AGO1: variants seen among roughly 807,000 people sequenced by gnomAD.
AGO1 encodes the protein argonaute RISC component 1, also known as protein argonaute-1.
A neutral mutation model predicts 109.2 loss-of-function variants in AGO1; 11 were observed. The observed-to-expected ratio is 0.10, with a 90% CI of 0.06 to 0.17. The LOEUF is 0.17. AGO1 is among the 10% of genes least tolerant of loss of function. The pLI, the probability that AGO1 is intolerant of heterozygous loss-of-function variation, is 1.00. For missense variants in AGO1, 574 were observed against 1,140.3 expected (o/e 0.50, Z 7.15); for synonymous variants, 422 against 418.6 (o/e 1.01, Z -0.10).
intron 3 of AGO1, 126 bp from the exon 4 acceptor site, chr1:35,892,971 T>TA: frequency 9.6e-7 from 1 of 1,040,468 alleles, no homozygotes; most frequent in Non-Finnish European, 1.4e-6. Flanking sequence ...GGGCTAGACT[T>TA]ACTCTGGATT....
Position 35,901,433 on chromosome 1 carries a change from T to C in AGO1, c.1021-41T>C. The C allele has an allele frequency of 6.2e-7, 1 of 1,613,172 alleles. No homozygotes were observed. Among genetic ancestry groups the C allele is most frequent in the South Asian group, 1.1e-5 (1 of 90,840 alleles). ...GTGGGGCTCTGGGTACAGGGTGGAC[T>C]GTACTCAAGCCAGAGCTACCTGTCC... On this transcript the variant is annotated intron_variant, in intron 8 of 18. Coordinates refer to ENST00000373204, the MANE Select transcript of AGO1 (RefSeq NM_012199.5). The surrounding 1 kb of genome is among the most constrained non-coding windows in gnomAD (Gnocchi z 4.8).
upstream of AGO1, among the ~76,000 whole-genome samples, chr1:35,879,688 T>G (rs1175284037): frequency 1.5e-5 from 2 of 132,644 alleles, no homozygotes; most frequent in Non-Finnish European, 3.0e-5. Context: ...TGACCCAAGA[T>G]TGTGCCCCTG....
chr1:35,917,593 A>G lies in AGO1; in HGVS notation c.2029A>G (p.Ile677Val). The G allele has an allele frequency of 6.2e-7, 1 of 1,611,056 alleles. No homozygotes were observed. The highest frequency in any genetic ancestry group is 8.5e-7 in the Non-Finnish European group (1 of 1,177,840). ...TCCCTCCCCATTTTTTTGTGCCTAG[A>G]TACTCCACTATGAGCTACTGGCCAT... ...DGVPEGQLPQ[I>V]LHYELLAIRD... Residue 677 changes from isoleucine to valine, a missense_variant and splice_region_variant, in exon 16 of 19, where the codon ATA (isoleucine) becomes GTA (valine). This residue lies in a region of AGO1 where 45 missense variants were observed against 61.3 expected (regional missense o/e 0.73). Coordinates refer to ENST00000373204, the MANE Select transcript of AGO1 (RefSeq NM_012199.5).
chr1:35,917,876 C>T, intron 16 of AGO1, 149 bp downstream of exon 16: 1 of 1,129,882 alleles, frequency 8.9e-7, no homozygotes, highest in South Asian at 1.7e-5. Flanking sequence ...TGTGGTCCTT[C>T]CTCTGCCACC....
chr1:35,879,643 G>A (rs1035090835), upstream of AGO1, among the ~76,000 whole-genome samples: 2 of 130,634 alleles, frequency 1.5e-5, no homozygotes. Flanking sequence ...GCAGAGGCAC[G>A]AGAATTGCTT....
chr1:35,883,077 C>T, upstream of AGO1: 6 of 1,040,088 alleles, frequency 5.8e-6, no homozygotes, highest in Non-Finnish European at 6.9e-6. The surrounding 1 kb of genome is among the most constrained non-coding windows in gnomAD (Gnocchi z 5.4). Context: ...TGCATGGCGA[C>T]GGGTGACCGC....
chr1:35,904,108 CTTTT>C (rs1198233881), intron 11 of AGO1, among the ~76,000 whole-genome samples: 1 of 110,964 alleles, frequency 9.0e-6, no homozygotes, highest in African/African-American at 4.1e-5. Context: ...TTCCTGAGCT[CTTTT>C]TTTTTTTTTT....
At chr1:35,892,241 C>T (rs976354974) in intron 2 of AGO1, among the ~76,000 whole-genome samples, 1 of 152,148 alleles carries the variant, frequency 6.6e-6, no homozygotes, top group African/African-American at 2.4e-5. Flanking sequence ...TAGCCTCCCC[C>T]TCTTCTCAGA....
Position 35,927,910 on chromosome 1 carries a change from T to C in AGO1, c.*8303T>C, listed in dbSNP as rs1171516285. On this transcript the variant is annotated 3_prime_UTR_variant, in exon 19 of 19. Coordinates refer to ENST00000373204, the MANE Select transcript of AGO1 (RefSeq NM_012199.5). ...ATAAAGTAACTTACTTTCTACCTTG[T>C]AGAAACTGATGGTCTAGGAGAAGAG... 57 of 152,244 alleles carry C rather than the reference T, an allele frequency of 3.7e-4. No individual in the cohort carries two copies. The highest frequency in any genetic ancestry group is 1.5e-5 in the Non-Finnish European group (1 of 68,038). The allele number at this position is 152,244 out of a possible 1,614,324, so 9.4% of individuals were successfully genotyped here.
In AGO1 at chr1:35,888,407, C is replaced by A; in HGVS notation, c.26-20C>A. The stretch of plus-strand genomic sequence containing the variant: ...AGGAGATTGCCAGACTTTACCCTCA[C>A]CAGCCTCTTTGTCTTGTAGCTGCGG... On this transcript the variant is annotated intron_variant, in intron 1 of 18. Coordinates refer to ENST00000373204, the MANE Select transcript of AGO1 (RefSeq NM_012199.5). The surrounding 1 kb of genome is among the most constrained non-coding windows in gnomAD (Gnocchi z 4.1). 6.2e-7 allele frequency: 1 copy of A among 1,612,662 alleles called. No individual in the cohort carries two copies. The highest frequency in any genetic ancestry group is 8.5e-7 in the Non-Finnish European group (1 of 1,179,144).
Position 35,919,451 on chromosome 1 carries a change from C to A in AGO1, c.2466-48C>A, listed in dbSNP as rs374287580. ...CAGGGCTGGGCGAGGGAATTAGCAG[C>A]AGCTCTCAGTTCACCAGGAAGGACT... is the stretch of plus-strand genomic sequence containing the variant. On this transcript the variant is annotated intron_variant, in intron 18 of 18. Coordinates refer to ENST00000373204, the MANE Select transcript of AGO1 (RefSeq NM_012199.5). This position sits in a 1 kb window ranked among gnomAD's most constrained non-coding sequence, Gnocchi z 6.6. The A allele has an allele frequency of 5.3e-4, 818 of 1,551,544 alleles. 5 individuals are homozygous for A. The Middle Eastern group carries it at 6.7e-3, about 13-fold the overall frequency.
At chr1:35,916,524 C>T (rs1460015943) in intron 15 of AGO1, among the ~76,000 whole-genome samples, 1 of 152,150 alleles carries the variant, frequency 6.6e-6, no homozygotes, top group Non-Finnish European at 1.5e-5. Flanking sequence ...TGAGTCACCA[C>T]ACCCAGCTTA....
In AGO1 at chr1:35,925,095, CTTTG is replaced by C. The variant is rs1645902274; in HGVS notation, c.*5492_*5495del. 3 of 151,938 alleles carry C rather than the reference CTTTG, an allele frequency of 2.0e-5. No individual in the cohort carries two copies. The South Asian group carries it at 6.2e-4, about 32-fold the overall frequency. The allele number at this position is 151,938 out of a possible 1,614,324, so 9.4% of individuals were successfully genotyped here. Reference sequence around the variant, plus strand: ...TAGACAGTTTGTGGGTTTTTTGTTTCTTTGTTTAGCCAGTTTGGTGAGGTAGGAG... The same window carrying C: ...TAGACAGTTTGTGGGTTTTTTGTTTCTTTAGCCAGTTTGGTGAGGTAGGAG... On this transcript the variant is annotated 3_prime_UTR_variant, in exon 19 of 19. Coordinates refer to ENST00000373204, the MANE Select transcript of AGO1 (RefSeq NM_012199.5).
intron 1 of AGO1, among the ~76,000 whole-genome samples, chr1:35,876,378 T>G (rs1328844390): frequency 2.2e-4 from 33 of 151,926 alleles, no homozygotes; most frequent in Non-Finnish European, 1.5e-4. Context: ...ACCATTCTCC[T>G]GCCTCAGCTT....
At chr1:35,910,191 C>CTAAAGACCCT (rs1206491840) in intron 12 of AGO1, among the ~76,000 whole-genome samples, 1 of 148,980 alleles carries the variant, frequency 6.7e-6, no homozygotes, top group East Asian at 2.0e-4. Context: ...TCAGATTCTT[C>CTAAAGACCCT]TAAAGACCCT....
In AGO1 at chr1:35,921,977, G is replaced by C. The variant is rs1243192888; in HGVS notation, c.*2370G>C. The C allele has an allele frequency of 1.3e-5, 2 of 152,898 alleles. No individual in the cohort carries two copies. The highest frequency in any genetic ancestry group is 3.9e-4 in the East Asian group (2 of 5,184). The allele number at this position is 152,898 out of a possible 1,614,324, so 9.5% of individuals were successfully genotyped here. A position where few individuals can be genotyped will look rare whatever the true frequency, so the allele number is the denominator to read the frequency against. ...CGTGTTCTGTCACCCTTTGGGGAGGGGAGTTCTCCTGGGACAGTGGGCTCT... is the reference window on the plus strand; with the variant it reads ...CGTGTTCTGTCACCCTTTGGGGAGGCGAGTTCTCCTGGGACAGTGGGCTCT... On this transcript the variant is annotated 3_prime_UTR_variant, in exon 19 of 19. Coordinates refer to ENST00000373204, the MANE Select transcript of AGO1 (RefSeq NM_012199.5).
intron 11 of AGO1, among the ~76,000 whole-genome samples, chr1:35,906,383 C>T (rs1645519821): frequency 6.6e-6 from 1 of 152,214 alleles, no homozygotes; most frequent in Non-Finnish European, 1.5e-5. Context: ...CCTGAGAATT[C>T]CCATGGGTCC....
At chr1:35,897,119 T>C (rs1029387561) in intron 8 of AGO1, among the ~76,000 whole-genome samples, 4 of 152,202 alleles carry the variant, frequency 2.6e-5, no homozygotes, top group Admixed American at 2.0e-4. Flanking sequence ...GAGCTTACAT[T>C]CTAGAAGGGG....
rs781573871 is a variant in AGO1, at chr1:35,919,213, T to C, written c.2424T>C (p.Ala808=). 6 of 1,614,142 alleles carry C rather than the reference T, an allele frequency of 3.7e-6. No homozygotes were observed. The highest frequency in any genetic ancestry group is 5.1e-6 in the Non-Finnish European group (6 of 1,180,016). ...PAPAYYARLV[A]FRARYHLVDK... ...CTGCCTACTATGCCCGCCTGGTGGC[T>C]TTCCGGGCACGATACCACCTGGTGG... The change falls in exon 18 of 19, where the codon GCT becomes GCC. Residue 808 remains alanine, a synonymous_variant. Transcript: ENST00000373204. The surrounding 1 kb of genome is among the most constrained non-coding windows in gnomAD (Gnocchi z 6.6).
Sources: allele counts gnomAD v4.1 joint callset (sites outside exome capture counted in the v4.1 genomes callset), GRCh38; gene constraint gnomAD v4.1.1; regional missense constraint gnomAD v4.1.1; non-coding constraint Gnocchi (gnomAD v3.1); transcripts MANE v1.5; gene names NCBI Gene and HGNC (gene_info 2026-07-23, HGNC 2026-07-21).